LDLRAD4: variants seen among roughly 807,000 people sequenced by gnomAD.
The protein encoded by LDLRAD4 is low-density lipoprotein receptor class A domain-containing protein 4.
In LDLRAD4, 5 loss-of-function variants were observed where a neutral mutation model predicts 17.0. The observed-to-expected ratio is 0.29, with a 90% CI of 0.15 to 0.62. LDLRAD4 has a LOEUF of 0.62. Ranked by LOEUF, LDLRAD4 falls within the 20% of genes least tolerant of loss-of-function variation. The probability of loss-of-function intolerance (pLI) is 0.84; values close to 1 mark genes in which losing one functional copy is unlikely to be tolerated. For synonymous variants in LDLRAD4, 168 were observed against 171.8 expected, an observed-to-expected ratio of 0.98 and a Z score of 0.17; for missense variants, 340 against 424.7, an observed-to-expected ratio of 0.80 and a Z score of 1.75.
chr18:13,562,331 C>T (rs1436518835), intron 3 of LDLRAD4, among the ~76,000 whole-genome samples: 2 of 152,238 alleles, frequency 1.3e-5, no homozygotes, highest in African/African-American at 4.8e-5. Flanking sequence ...AAACTCTCAG[C>T]CAGCTCTGCC....
chr18:13,612,885 A>C, intron 3 of LDLRAD4: 1 of 1,312,340 alleles, frequency 7.6e-7, no homozygotes, highest in Non-Finnish European at 1.1e-6. Flanking sequence ...GCTCTTTCTC[A>C]AGAAGTTTCT....
intron 1 of LDLRAD4, among the ~76,000 whole-genome samples, chr18:13,303,868 C>T (rs2046752838): frequency 6.6e-6 from 1 of 152,174 alleles, no homozygotes; most frequent in East Asian, 1.9e-4. Context: ...TAAGGAGATC[C>T]TAGCTGCTCC....
chr18:13,506,218 C>CT (rs539769795), intron 3 of LDLRAD4, among the ~76,000 whole-genome samples: 143 of 88,172 alleles, frequency 1.6e-3, no homozygotes, highest in African/African-American at 4.1e-3. Flanking sequence ...GCTGTTTCCT[C>CT]TTTTTTTTTT....
chr18:13,626,160 G>A (rs906286455), intron 4 of LDLRAD4, among the ~76,000 whole-genome samples: 1 of 152,112 alleles, frequency 6.6e-6, no homozygotes, highest in Non-Finnish European at 1.5e-5. Context: ...CGGCGGGTCC[G>A]GATCTGCATC....
chr18:13,310,332 G>T (rs1460016440), intron 1 of LDLRAD4, among the ~76,000 whole-genome samples: 1 of 151,930 alleles, frequency 6.6e-6, no homozygotes, highest in African/African-American at 2.4e-5. Context: ...TCCAGCCTGG[G>T]TGACAGAGTG....
intron 1 of LDLRAD4, among the ~76,000 whole-genome samples, chr18:13,248,046 C>T (rs998211808): frequency 4.6e-5 from 7 of 151,162 alleles, no homozygotes; most frequent in Non-Finnish European, 8.8e-5. Context: ...CTGCAACCTC[C>T]ACCTCCCAGG....
intron 1 of LDLRAD4, among the ~76,000 whole-genome samples, chr18:13,265,334 C>G (rs2044155659): frequency 6.6e-6 from 1 of 152,186 alleles, no homozygotes; most frequent in Admixed American, 6.5e-5. Flanking sequence ...AAGGTCAACG[C>G]CAAACTTACC....
At chr18:13,313,206 T>C (rs2080745102) in intron 1 of LDLRAD4, among the ~76,000 whole-genome samples, 1 of 152,230 alleles carries the variant, frequency 6.6e-6, no homozygotes. Context: ...GCTTGCAAAC[T>C]TTTTGTGTCC....
exon 6 of LDLRAD4, chr18:13,647,485 G>C (rs1388416553): frequency 6.6e-6 from 1 of 151,550 alleles, no homozygotes; most frequent in African/African-American, 2.4e-5. Flanking sequence ...ATCCGCGTGT[G>C]TGTGTTTGTG....
At chr18:13,331,685 A>T (rs2081875147) in intron 1 of LDLRAD4, among the ~76,000 whole-genome samples, 1 of 152,066 alleles carries the variant, frequency 6.6e-6, no homozygotes, top group South Asian at 2.1e-4. Context: ...TTTGCCCTTA[A>T]TGTTGGATTA....
intron 3 of LDLRAD4, among the ~76,000 whole-genome samples, chr18:13,566,905 T>C (rs1022579520): frequency 3.3e-5 from 5 of 152,252 alleles, no homozygotes; most frequent in Non-Finnish European, 7.3e-5. Flanking sequence ...TGCTGAATAC[T>C]GTGCTAGAAA....
intron 3 of LDLRAD4, chr18:13,620,749 C>A (rs1023762079): frequency 2.4e-5 from 6 of 250,776 alleles, no homozygotes; most frequent in Non-Finnish European, 4.7e-5. Context: ...GTTGATTTTT[C>A]CTTTCAAGTA....
chr18:13,615,779 A>G (rs914761743), intron 3 of LDLRAD4: 1 of 152,234 alleles, frequency 6.6e-6, no homozygotes, highest in African/African-American at 2.4e-5. Flanking sequence ...CTGTTACAGC[A>G]TCATGAACTA....
At chr18:13,497,806 C>T (rs751923145) in intron 3 of LDLRAD4, among the ~76,000 whole-genome samples, 2 of 152,232 alleles carry the variant, frequency 1.3e-5, no homozygotes, top group Non-Finnish European at 1.5e-5. Context: ...GAGGAGCCAG[C>T]GAAAACGACA....
chr18:13,383,826 A>C (rs1403148863), intron 1 of LDLRAD4, among the ~76,000 whole-genome samples: 1 of 152,052 alleles, frequency 6.6e-6, no homozygotes, highest in Non-Finnish European at 1.5e-5. Context: ...ACAGTCTTTC[A>C]CTGAGCAGAA....
At chr18:13,345,808 A>T (rs2082648993) in intron 1 of LDLRAD4, among the ~76,000 whole-genome samples, 1 of 152,010 alleles carries the variant, frequency 6.6e-6, no homozygotes, top group African/African-American at 2.4e-5. Context: ...TAGTCTTGGG[A>T]GGGTGTATGT....
At chr18:13,263,452 G>C (rs916360991) in intron 1 of LDLRAD4, among the ~76,000 whole-genome samples, 1 of 152,216 alleles carries the variant, frequency 6.6e-6, no homozygotes, top group African/African-American at 2.4e-5. Flanking sequence ...TGAGGACAGT[G>C]AGGGCACGGG....
Position 13,398,119 on chromosome 18 carries a change from C to T in LDLRAD4, c.40+10357C>T, listed in dbSNP as rs1358830110. The stretch of plus-strand genomic sequence containing the variant: ...GTTGAAAGTGGGGCTGTCTCAGATC[C>T]TCCCACTGTGGCGTTTCCTTCAGAA... On this transcript the variant is annotated intron_variant, in intron 2 of 5. Transcript: ENST00000359446. This position sits in a 1 kb window ranked among gnomAD's most constrained non-coding sequence, Gnocchi z 4.8. 6.6e-6 allele frequency among the ~76,000 whole-genome samples: 1 copy of T among 152,188 alleles called. No individual in the cohort carries two copies. Among genetic ancestry groups the T allele is most frequent in the East Asian group, 1.9e-4 (1 of 5,184 alleles).
chr18:13,262,790 CTG>C (rs1263412721), intron 1 of LDLRAD4, among the ~76,000 whole-genome samples: 2 of 92,118 alleles, frequency 2.2e-5, no homozygotes, highest in South Asian at 4.6e-4. Context: ...CCGTGCGGCT[CTG>C]TGCGTGGAAA....
Sources: allele counts gnomAD v4.1 joint callset (sites outside exome capture counted in the v4.1 genomes callset), GRCh38; gene constraint gnomAD v4.1.1; non-coding constraint Gnocchi (gnomAD v3.1); transcripts MANE v1.5; gene names NCBI Gene and HGNC (gene_info 2026-07-23, HGNC 2026-07-21).